Variants in ERBB3 observed in about 807,000 individuals in gnomAD.
The protein encoded by ERBB3 is receptor tyrosine-protein kinase erbB-3.
In ERBB3, 96 loss-of-function variants were observed where a neutral mutation model predicts 156.7. The ratio of observed to expected loss-of-function variants is 0.61; its 90% CI spans 0.52 to 0.73. The LOEUF is 0.73. Among genes scored for constraint, ERBB3 ranks in the 30% least tolerant of loss-of-function variants. The pLI is 0.00. For missense variants in ERBB3, 1,406 were observed against 1,709.4 expected, an observed-to-expected ratio of 0.82 and a Z score of 3.13; for synonymous variants, 567 against 632.0, an observed-to-expected ratio of 0.90 and a Z score of 1.54.
chr12:56,101,000 T>G lies in ERBB3; in HGVS notation c.3202-61T>G, dbSNP rs988576356. ...AACCCAATATCCTTCTAAACAAATC[T>G]CTCTTCTTTCCTCATCATGTAAATT... On this transcript the variant is annotated intron_variant, in intron 26 of 27. Coordinates refer to ENST00000267101, the MANE Select transcript of ERBB3 (RefSeq NM_001982.4). The G allele has an allele frequency of 2.9e-5, 30 of 1,044,666 alleles. No homozygotes were observed. The Middle Eastern group carries it at 1.1e-3, about 37-fold the overall frequency. The allele number at this position is 1,044,666 out of a possible 1,614,324, so 64.7% of individuals were successfully genotyped here.
At chr12:56,091,418 T>A (rs1206130230) in intron 9 of ERBB3, among the ~76,000 whole-genome samples, 1,420 of 125,982 alleles carry the variant, frequency 0.011, 38 homozygotes, top group African/African-American at 0.042. Context: ...ATATTTTTTT[T>A]TTTTTTTGAG....
At position 56,101,931 on chromosome 12, in the gene ERBB3, C is replaced by A; in HGVS notation, c.3905C>A (p.Ala1302Asp). Reference sequence around the variant, plus strand: ...GCTTTTCAGGGGCCTGGACATCAGGCCCCCCATGTCCATTATGCCCGCCTA... The same window carrying A: ...GCTTTTCAGGGGCCTGGACATCAGGACCCCCATGTCCATTATGCCCGCCTA... ...MRAFQGPGHQ[A>D]PHVHYARLKT... The change falls in exon 28 of 28, where the codon GCC becomes GAC. Residue 1302 changes from alanine to aspartate, a missense_variant. This residue lies in a region of ERBB3 where 415 missense variants were observed against 454.1 expected (regional missense o/e 0.91). Transcript: ENST00000267101. The A allele has an allele frequency of 6.2e-7, 1 of 1,612,976 alleles. No individual in the cohort carries two copies. Among genetic ancestry groups the A allele is most frequent in the Non-Finnish European group, 8.5e-7 (1 of 1,179,664 alleles).
intron 23 of ERBB3, among the ~76,000 whole-genome samples, chr12:56,099,266 C>CA (rs528721550): frequency 2.9e-3 from 433 of 149,422 alleles, no homozygotes; most frequent in Non-Finnish European, 4.5e-3. Flanking sequence ...TGACTGCAGC[C>CA]ATTTTCTGAC....
intron 26 of ERBB3, among the ~76,000 whole-genome samples, chr12:56,100,578 G>A (rs1592232208): frequency 6.6e-6 from 1 of 151,344 alleles, no homozygotes; most frequent in Non-Finnish European, 1.5e-5. Context: ...GGAGGCAGAG[G>A]TTGCAGTGAG....
Position 56,095,691 on chromosome 12 carries a change from C to A in ERBB3, c.1940C>A (p.Thr647Lys), listed in dbSNP as rs1868865471. The A allele has an allele frequency of 6.2e-7, 1 of 1,614,144 alleles. No individual in the cohort carries two copies. Among genetic ancestry groups the A allele is most frequent in the Non-Finnish European group, 8.5e-7 (1 of 1,180,018 alleles). ...IGKTHLTMAL[T>K]VIAGLVVIFM... ...AAAACCCATCTGACAATGGCTTTGACAGTGATAGCAGGATTGGTAGTGATT... is the reference window on the plus strand; with the variant it reads ...AAAACCCATCTGACAATGGCTTTGAAAGTGATAGCAGGATTGGTAGTGATT... Residue 647 changes from threonine to lysine, a missense_variant, in exon 17 of 28, where the codon ACA becomes AAA. By Grantham distance (78) the Thr-to-Lys change is moderately conservative (BLOSUM62 -1). Around this residue, in one of 3 missense-constraint regions of ERBB3, gnomAD observed 979 missense variants for 1,219.6 expected, o/e 0.80. Coordinates refer to ENST00000267101, the MANE Select transcript of ERBB3 (RefSeq NM_001982.4).
chr12:56,095,607 G>T, intron 16 of ERBB3, 58 bp from the exon 17 acceptor site: 1 of 1,598,482 alleles, frequency 6.3e-7, no homozygotes, highest in South Asian at 1.1e-5. Flanking sequence ...AAGTATAGTT[G>T]ACATTTGTAA....
chr12:56,082,365 C>G (rs1868363302), intron 1 of ERBB3, among the ~76,000 whole-genome samples: 1 of 152,102 alleles, frequency 6.6e-6, no homozygotes, highest in African/African-American at 2.4e-5. Context: ...TGGGGCTGTT[C>G]CAGAAATGAC....
At chr12:56,093,165 A>G in intron 11 of ERBB3, 89 bp downstream of exon 11, 3 of 1,208,946 alleles carry the variant, frequency 2.5e-6, no homozygotes, top group Non-Finnish European at 3.7e-6. Context: ...GCACTGTCTC[A>G]TACAGCAGTG....
intron 4 of ERBB3, 36 bp downstream of exon 4, chr12:56,086,692 A>T (rs929711174): frequency 6.2e-7 from 1 of 1,612,890 alleles, no homozygotes; most frequent in Non-Finnish European, 8.5e-7. Flanking sequence ...CCCCAGTCCC[A>T]CCAAACCAGA....
rs763820950 is a variant in ERBB3, at chr12:56,092,751, C to G, written c.1114C>G (p.Pro372Ala). 2 of 1,613,496 alleles carry G rather than the reference C, an allele frequency of 1.2e-6. No homozygotes were observed. Among genetic ancestry groups the G allele is most frequent in the East Asian group, 4.5e-5 (2 of 44,882 alleles). The change falls in exon 10 of 28, where the codon CCC becomes GCC. Residue 372 changes from proline (P) to alanine (A), a missense_variant. Around this residue, in one of 3 missense-constraint regions of ERBB3, gnomAD observed 979 missense variants for 1,219.6 expected, o/e 0.80. Transcript: ENST00000267101. The stretch of plus-strand genomic sequence containing the variant: ...GGTTTCTACTGTTCTATTCAGAGAC[C>G]CCTGGCACAAGATCCCTGCCCTGGA... Reference protein sequence around the residue: ...DFLITGLNGDPWHKIPALDPE... With the variant: ...DFLITGLNGDAWHKIPALDPE...
At chr12:56,082,607 G>A (rs1868366369) in intron 1 of ERBB3, among the ~76,000 whole-genome samples, 1 of 152,118 alleles carries the variant, frequency 6.6e-6, no homozygotes, top group African/African-American at 2.4e-5. Flanking sequence ...CCTCAGGGAA[G>A]GGTGGCTGGA....
chr12:56,097,043 A>C lies in ERBB3; in HGVS notation c.2275-2A>C. ...CTAGATAATACCTTTTGTGTCTCTT[A>C]GCATATGCTGGCCATTGGCAGCCTG... is the stretch of plus-strand genomic sequence containing the variant. On this transcript the variant is annotated splice_acceptor_variant, in intron 19 of 27. Transcript: ENST00000267101. LOFTEE classifies it high-confidence loss of function. The C allele has an allele frequency of 6.2e-7, 1 of 1,613,922 alleles. No individual in the cohort carries two copies. Among genetic ancestry groups the C allele is most frequent in the Non-Finnish European group, 8.5e-7 (1 of 1,179,922 alleles).
chr12:56,099,395 T>G (rs570687337), intron 23 of ERBB3, among the ~76,000 whole-genome samples: 12 of 151,986 alleles, frequency 7.9e-5, no homozygotes, highest in African/African-American at 2.7e-4. Context: ...CGTTCCAGGT[T>G]TAAGTTCTTC....
At chr12:56,100,145 T>C (rs1470924335) in intron 25 of ERBB3, 29 bp from the exon 26 acceptor site, 1 of 1,608,334 alleles carries the variant, frequency 6.2e-7, no homozygotes. Flanking sequence ...TCCCTTCATC[T>C]TAACCTTTTC....
At chr12:56,099,431 A>T (rs2136824439) in intron 23 of ERBB3, among the ~76,000 whole-genome samples, 1 of 150,380 alleles carries the variant, frequency 6.6e-6, no homozygotes, top group East Asian at 2.0e-4. Context: ...GATAGCTGGG[A>T]CTTTAGGCGT....
chr12:56,083,519 A>G (rs1214668457), intron 1 of ERBB3: 6 of 567,728 alleles, frequency 1.1e-5, no homozygotes, highest in Admixed American at 2.9e-5. Context: ...TTGAAAAAGG[A>G]AATCTTTTCA....
chr12:56,096,168 T>C (rs1160113360), intron 17 of ERBB3: 11 of 508,248 alleles, frequency 2.2e-5, no homozygotes, highest in Non-Finnish European at 3.6e-5. Context: ...ATGATGTATG[T>C]GAAAGTGCTT....
At chr12:56,095,223 A>C in intron 15 of ERBB3, 34 bp from the exon 16 acceptor site, 7 of 1,554,952 alleles carry the variant, frequency 4.5e-6, no homozygotes, top group Non-Finnish European at 5.3e-6. Flanking sequence ...CTGCTGTCCA[A>C]GCTCTCATTT....
Position 56,101,742 on chromosome 12 carries a change from A to G in ERBB3, c.3716A>G (p.Gln1239Arg), listed in dbSNP as rs1193102047. 1 of 1,613,688 alleles carries G rather than the reference A, an allele frequency of 6.2e-7. No individual in the cohort carries two copies. Among genetic ancestry groups the G allele is most frequent in the African/African-American group, 1.3e-5 (1 of 74,768 alleles). Residue 1239 changes from glutamine (Q) to arginine (R), a missense_variant, in exon 28 of 28, where the codon CAG becomes CGG. Around this residue, in one of 3 missense-constraint regions of ERBB3, gnomAD observed 415 missense variants for 454.1 expected, o/e 0.91. Transcript: ENST00000267101. ...SDLSASLGST[Q>R]SCPLHPVPIM... ...CTCAGTGCCTCTCTGGGCAGCACAC[A>G]GAGTTGCCCACTCCACCCTGTACCC...
Sources: allele counts gnomAD v4.1 joint callset (sites outside exome capture counted in the v4.1 genomes callset), GRCh38; gene constraint gnomAD v4.1.1; regional missense constraint gnomAD v4.1.1; transcripts MANE v1.5; gene names NCBI Gene and HGNC (gene_info 2026-07-23, HGNC 2026-07-21).